The following LRRC4C variants were observed in gnomAD, a reference collection of about 807,000 sequenced individuals.
The protein encoded by LRRC4C is leucine rich repeat containing 4C.
LRRC4C carries 5 observed loss-of-function variants against 33.6 expected under a neutral mutation model. The ratio of observed to expected loss-of-function variants is 0.15; its 90% CI spans 0.08 to 0.31. The LOEUF (loss-of-function observed/expected upper bound fraction) is 0.31. Ranked by LOEUF, LRRC4C falls within the 10% of genes least tolerant of loss-of-function variation. LRRC4C has a pLI of 1.00. For synonymous variants in LRRC4C, 329 were observed against 302.0 expected (o/e 1.09, Z -0.93); for missense variants, 560 against 796.7 (o/e 0.70, Z 3.58).
intron 5 of LRRC4C, among the ~76,000 whole-genome samples, chr11:40,141,811 A>C (rs2927202): frequency 0.99 from 150,092 of 152,318 alleles, 73,981 homozygotes; most frequent in Middle Eastern, 1. Flanking sequence ...AGCTTCACAG[A>C]TGGGCATTTT....
At chr11:41,327,171 A>G (rs1591275700) in intron 1 of LRRC4C, among the ~76,000 whole-genome samples, 1 of 152,232 alleles carries the variant, frequency 6.6e-6, no homozygotes, top group Non-Finnish European at 1.5e-5. Flanking sequence ...AAGGCAGCCC[A>G]CCTTTTTCAT....
At chr11:41,273,074 C>A (rs565990644) in intron 1 of LRRC4C, among the ~76,000 whole-genome samples, 2 of 151,920 alleles carry the variant, frequency 1.3e-5, no homozygotes, top group Non-Finnish European at 2.9e-5. Flanking sequence ...ACAGATAATA[C>A]GTATATAAAT....
chr11:41,383,375 C>T (rs1395473769), intron 1 of LRRC4C, among the ~76,000 whole-genome samples: 2 of 151,966 alleles, frequency 1.3e-5, no homozygotes, highest in African/African-American at 2.4e-5. Context: ...GTTGTGGAAG[C>T]GGTACTATTT....
At chr11:40,675,633 G>A (rs1373535801) in intron 2 of LRRC4C, among the ~76,000 whole-genome samples, 1 of 152,316 alleles carries the variant, frequency 6.6e-6, no homozygotes, top group East Asian at 1.9e-4. Flanking sequence ...AAAGATGGCT[G>A]TGTCTGACTT....
At chr11:41,413,382 G>A (rs1340668212) in intron 1 of LRRC4C, among the ~76,000 whole-genome samples, 3 of 152,114 alleles carry the variant, frequency 2.0e-5, no homozygotes, top group Non-Finnish European at 4.4e-5. Flanking sequence ...GTTAATTAAT[G>A]AAAAGTGGTT....
chr11:40,378,012 G>A (rs1948725781), intron 3 of LRRC4C, among the ~76,000 whole-genome samples: 1 of 152,014 alleles, frequency 6.6e-6, no homozygotes, highest in South Asian at 2.1e-4. Context: ...AAAATCTGAT[G>A]GAGTTGTTTA....
At chr11:41,387,689 T>C (rs1177518406) in intron 1 of LRRC4C, among the ~76,000 whole-genome samples, 1 of 151,728 alleles carries the variant, frequency 6.6e-6, no homozygotes, top group Non-Finnish European at 1.5e-5. Context: ...GTAAACAAAA[T>C]GTTATGGGTG....
chr11:40,145,936 G>A (rs1252091157), intron 5 of LRRC4C, among the ~76,000 whole-genome samples: 4 of 152,164 alleles, frequency 2.6e-5, no homozygotes, highest in East Asian at 1.9e-4. Context: ...TGTAGACATA[G>A]ATGAAATTAT....
chr11:41,287,968 T>C (rs1417519840), intron 1 of LRRC4C, among the ~76,000 whole-genome samples: 6 of 152,178 alleles, frequency 3.9e-5, no homozygotes, highest in African/African-American at 1.4e-4. Context: ...TCTGATTGCA[T>C]GGGAGAGGTC....
At chr11:41,382,280 A>T (rs995060378) in intron 1 of LRRC4C, among the ~76,000 whole-genome samples, 2 of 152,038 alleles carry the variant, frequency 1.3e-5, no homozygotes, top group African/African-American at 4.8e-5. Flanking sequence ...AACAATCAAA[A>T]CTTAAGAAAA....
chr11:40,858,016 AGGAAGGGAAGGGAAGGGAAG>A (rs146464048), intron 2 of LRRC4C, among the ~76,000 whole-genome samples: 1 of 139,130 alleles, frequency 7.2e-6, no homozygotes, highest in African/African-American at 2.8e-5. Flanking sequence ...GGACAAGGAA[AGGAAGGGAAGGGAAGGGAAG>A]GGAAGGGAAG....
chr11:40,754,015 C>A (rs1355617481), intron 2 of LRRC4C, among the ~76,000 whole-genome samples: 1 of 151,952 alleles, frequency 6.6e-6, no homozygotes, highest in African/African-American at 2.4e-5. Flanking sequence ...TATATATACA[C>A]ACACACATTC....
At chr11:40,530,150 A>G (rs1324161922) in intron 3 of LRRC4C, among the ~76,000 whole-genome samples, 2 of 152,098 alleles carry the variant, frequency 1.3e-5, no homozygotes, top group African/African-American at 4.8e-5. Flanking sequence ...CCAGAATTCA[A>G]GTTATTCTTA....
intron 3 of LRRC4C, among the ~76,000 whole-genome samples, chr11:40,420,136 T>C (rs1464588115): frequency 6.6e-6 from 1 of 152,214 alleles, no homozygotes; most frequent in Non-Finnish European, 1.5e-5. Flanking sequence ...AATCACAGTA[T>C]GCAAAGGCAA....
At chr11:41,429,195 C>T in intron 1 of LRRC4C, among the ~76,000 whole-genome samples, 1 of 152,096 alleles carries the variant, frequency 6.6e-6, no homozygotes, top group East Asian at 1.9e-4. Context: ...CTCCTTGCAG[C>T]CACCATGTGA....
chr11:40,742,909 C>T (rs1001533125), intron 2 of LRRC4C, among the ~76,000 whole-genome samples: 1 of 151,966 alleles, frequency 6.6e-6, no homozygotes, highest in African/African-American at 2.4e-5. Flanking sequence ...CTGCCTGTCA[C>T]CAGTAGGGCC....
intron 2 of LRRC4C, among the ~76,000 whole-genome samples, chr11:40,682,286 A>C (rs946994521): frequency 6.6e-6 from 1 of 150,984 alleles, no homozygotes; most frequent in Non-Finnish European, 1.5e-5. Flanking sequence ...AAAAAAAAGC[A>C]TAAAAGTAAC....
intron 1 of LRRC4C, among the ~76,000 whole-genome samples, chr11:41,088,653 TA>T (rs1240931948): frequency 6.6e-6 from 1 of 152,070 alleles, no homozygotes; most frequent in Non-Finnish European, 1.5e-5. Flanking sequence ...AGCAAAAGTT[TA>T]AAAAGTTAAA....
intron 3 of LRRC4C, among the ~76,000 whole-genome samples, chr11:40,481,856 A>G (rs60743174): frequency 0.026 from 3,972 of 152,288 alleles, 176 homozygotes; most frequent in African/African-American, 0.09. Context: ...AAATGTCTTT[A>G]AAATCAGATG....
Sources: allele counts gnomAD v4.1 joint callset (sites outside exome capture counted in the v4.1 genomes callset), GRCh38; gene constraint gnomAD v4.1.1; transcripts MANE v1.5; gene names NCBI Gene and HGNC (gene_info 2026-07-23, HGNC 2026-07-21).